The following ZNF644 variants were observed in gnomAD, a reference collection of about 807,000 sequenced individuals.
The protein encoded by ZNF644 is zinc finger protein 644, also known as zinc finger motif enhancer binding protein 2.
ZNF644 carries 20 observed loss-of-function variants against 108.0 expected under a neutral mutation model. The ratio of observed to expected loss-of-function variants is 0.19; its 90% CI spans 0.13 to 0.27. The LOEUF is 0.27. Ranked by LOEUF, ZNF644 falls within the 10% of genes least tolerant of loss-of-function variation. The pLI, the probability that ZNF644 is intolerant of heterozygous loss-of-function variation, is 1.00. For synonymous variants in ZNF644, 542 were observed against 539.1 expected (o/e 1.01, Z -0.08); for missense variants, 1,338 against 1,548.9 (o/e 0.86, Z 2.29).
At chr1:90,966,748 A>C (rs565965233) in intron 2 of ZNF644, among the ~76,000 whole-genome samples, 21 of 26,994 alleles carry the variant, frequency 7.8e-4, no homozygotes, top group African/African-American at 2.1e-3. Context: ...ACTCAGTCTC[A>C]AAAAAAAAAA....
At chr1:90,922,024 A>G (rs557136017) in intron 4 of ZNF644, among the ~76,000 whole-genome samples, 1 of 152,316 alleles carries the variant, frequency 6.6e-6, no homozygotes, top group African/African-American at 2.4e-5. Flanking sequence ...TTTGACTTTG[A>G]CATTAAAATC....
intron 1 of ZNF644, among the ~76,000 whole-genome samples, chr1:91,008,235 A>G (rs1557659682): frequency 6.6e-6 from 1 of 152,322 alleles, no homozygotes; most frequent in East Asian, 1.9e-4. Context: ...TCAAAGAAGA[A>G]AACTTGGATG....
chr1:90,982,213 C>G, intron 2 of ZNF644, 97 bp downstream of exon 2: 1 of 1,006,832 alleles, frequency 9.9e-7, no homozygotes, highest in Non-Finnish European at 1.5e-6. Flanking sequence ...TTTAAAAACT[C>G]TTTGGTTCTG....
intron 4 of ZNF644, among the ~76,000 whole-genome samples, chr1:90,922,243 A>T (rs561685495): frequency 3.9e-5 from 6 of 152,280 alleles, no homozygotes; most frequent in African/African-American, 1.4e-4. Context: ...CAATAACTTA[A>T]AAGTCTTGTT....
intron 1 of ZNF644, among the ~76,000 whole-genome samples, chr1:90,987,475 G>A (rs1657222052): frequency 1.3e-5 from 2 of 151,798 alleles, no homozygotes; most frequent in South Asian, 2.1e-4. Flanking sequence ...GCAAAACGAG[G>A]ACATGAAAAA....
intron 1 of ZNF644, among the ~76,000 whole-genome samples, chr1:90,983,253 T>G (rs1656743070): frequency 6.6e-6 from 1 of 152,124 alleles, no homozygotes; most frequent in African/African-American, 2.4e-5. Context: ...ACCTAGAATT[T>G]TCTGCATCGT....
chr1:90,996,614 G>A (rs1488192435), intron 1 of ZNF644, among the ~76,000 whole-genome samples: 2 of 152,198 alleles, frequency 1.3e-5, no homozygotes, highest in South Asian at 2.1e-4. Flanking sequence ...GTGGTACCCC[G>A]TCTCTAAATA....
At chr1:90,932,987 T>C (rs1438149943) in intron 4 of ZNF644, among the ~76,000 whole-genome samples, 2 of 152,208 alleles carry the variant, frequency 1.3e-5, no homozygotes, top group African/African-American at 2.4e-5. Context: ...ATTTTTAAAA[T>C]AACACCCTCT....
At chr1:90,951,974 T>C (rs1570416820) in intron 2 of ZNF644, among the ~76,000 whole-genome samples, 2 of 152,258 alleles carry the variant, frequency 1.3e-5, no homozygotes, top group African/African-American at 2.4e-5. Flanking sequence ...ATAGGAAAAT[T>C]TGAAGGCTAC....
intron 2 of ZNF644, among the ~76,000 whole-genome samples, chr1:90,978,844 A>G (rs1656259189): frequency 6.6e-6 from 1 of 152,138 alleles, no homozygotes; most frequent in Admixed American, 6.5e-5. Flanking sequence ...TTTAAAAAAA[A>G]AAAAAAAGAA....
intron 4 of ZNF644, among the ~76,000 whole-genome samples, chr1:90,930,317 TAATGA>T (rs1650592557): frequency 6.6e-6 from 1 of 152,120 alleles, no homozygotes; most frequent in South Asian, 2.1e-4. Context: ...GTTCTGAAGA[TAATGA>T]AATGAAGCCC....
chr1:90,976,381 A>T (rs1479143312), intron 2 of ZNF644, among the ~76,000 whole-genome samples: 1 of 152,192 alleles, frequency 6.6e-6, no homozygotes, highest in Non-Finnish European at 1.5e-5. Context: ...CCTAACATAT[A>T]GCACAGTGCC....
chr1:90,918,823 AATCAT>A (rs1649097381), intron 4 of ZNF644, among the ~76,000 whole-genome samples: 1 of 152,066 alleles, frequency 6.6e-6, no homozygotes, highest in Non-Finnish European at 1.5e-5. Flanking sequence ...TCAATTATGC[AATCAT>A]ATAAGTTTTA....
chr1:90,973,517 T>A (rs996660118), intron 2 of ZNF644, among the ~76,000 whole-genome samples: 2 of 152,168 alleles, frequency 1.3e-5, no homozygotes, highest in Non-Finnish European at 2.9e-5. Context: ...AAAGTACTTA[T>A]AACAGTGCCT....
chr1:91,003,622 G>A lies in ZNF644; in HGVS notation c.-18+18368C>T, dbSNP rs531050645. 1.5e-4 allele frequency among the ~76,000 whole-genome samples: 23 copies of A among 151,806 alleles called. 1 individual carries two copies. The highest frequency in any genetic ancestry group is 1.2e-3 in the Admixed American group (18 of 15,266). Reference sequence around the variant, plus strand: ...GGTGCAGCACACCATCATGGCACACGTATACATATGTAACAAACCTGCACA... The same window carrying A: ...GGTGCAGCACACCATCATGGCACACATATACATATGTAACAAACCTGCACA... On this transcript the variant is annotated intron_variant, in intron 1 of 5. Coordinates refer to ENST00000337393, the MANE Select transcript of ZNF644 (RefSeq NM_201269.3).
chr1:90,991,939 T>A (rs1322308932), intron 1 of ZNF644, among the ~76,000 whole-genome samples: 1 of 152,126 alleles, frequency 6.6e-6, no homozygotes, highest in African/African-American at 2.4e-5. Context: ...AACAGGTGAA[T>A]CCTCACATTA....
chr1:90,932,499 C>T (rs918722816), intron 4 of ZNF644, among the ~76,000 whole-genome samples: 2 of 152,150 alleles, frequency 1.3e-5, no homozygotes, highest in Non-Finnish European at 1.5e-5. Flanking sequence ...ATTAAAAGAT[C>T]ATGTGTTCTT....
intron 1 of ZNF644, among the ~76,000 whole-genome samples, chr1:90,997,916 G>C (rs1034188301): frequency 2.0e-5 from 3 of 152,220 alleles, no homozygotes; most frequent in Non-Finnish European, 4.4e-5. Context: ...GCGTGGCTTG[G>C]AGGGTCCCAC....
At chr1:90,920,299 ATAAATTACTG>A (rs1649289001) in intron 4 of ZNF644, among the ~76,000 whole-genome samples, 1 of 152,056 alleles carries the variant, frequency 6.6e-6, no homozygotes, top group Non-Finnish European at 1.5e-5. Flanking sequence ...TAAAATGCAA[ATAAATTACTG>A]TAGGATACAA....
Sources: allele counts gnomAD v4.1 joint callset (sites outside exome capture counted in the v4.1 genomes callset), GRCh38; gene constraint gnomAD v4.1.1; transcripts MANE v1.5; gene names NCBI Gene and HGNC (gene_info 2026-07-23, HGNC 2026-07-21).